The following ABCB5 variants were observed in gnomAD, a reference collection of about 807,000 sequenced individuals.
ABCB5 encodes the protein ATP binding cassette subfamily B member 5, also known as ATP-binding cassette sub-family B member 5.
Under a neutral mutation model 144.2 loss-of-function variants are expected in ABCB5, and 155 were observed. The ratio of observed to expected loss-of-function variants is 1.08; its 90% CI spans 0.94 to 1.23. ABCB5 has a LOEUF of 1.23. Among genes scored for constraint, ABCB5 ranks in the 50% most tolerant of loss-of-function variants. The pLI, the probability that ABCB5 is intolerant of heterozygous loss-of-function variation, is 0.00. For synonymous variants in ABCB5, 610 were observed against 528.6 expected (o/e 1.15, Z -2.11); for missense variants, 1,830 against 1,520.8 (o/e 1.20, Z -3.38).
intron 23 of ABCB5, among the ~76,000 whole-genome samples, chr7:20,732,189 T>G (rs1782242718): frequency 1.3e-5 from 2 of 152,144 alleles, no homozygotes; most frequent in African/African-American, 4.8e-5. Flanking sequence ...ACACTTGCTA[T>G]TCTCTGCCTG....
At chr7:20,648,385 C>T (rs1443125337) in intron 11 of ABCB5, among the ~76,000 whole-genome samples, 1 of 152,174 alleles carries the variant, frequency 6.6e-6, no homozygotes. Flanking sequence ...TTCCTAGATG[C>T]TACCCCACTC....
rs2128043238 is a variant in ABCB5 at position 20,699,812 on chromosome 7, T to C, written c.2155-13T>C. On this transcript the variant is annotated splice_polypyrimidine_tract_variant and intron_variant, in intron 17 of 27. Transcript: ENST00000404938. ...TTCCCCCAAACACCTGATAAAAATCTGTTCCTTTTCAGATGTTTGGAAATA... is the reference window on the plus strand; with the variant it reads ...TTCCCCCAAACACCTGATAAAAATCCGTTCCTTTTCAGATGTTTGGAAATA... The C allele has an allele frequency of 6.5e-7, 1 of 1,546,374 alleles. No homozygotes were observed. Among genetic ancestry groups the C allele is most frequent in the African/African-American group, 1.4e-5 (1 of 72,998 alleles).
At chr7:20,710,192 T>C (rs1203101568) in intron 20 of ABCB5, among the ~76,000 whole-genome samples, 1 of 147,656 alleles carries the variant, frequency 6.8e-6, no homozygotes, top group African/African-American at 2.5e-5. Flanking sequence ...CTGGCCAACA[T>C]GGTGAGACCG....
At chr7:20,683,231 CA>C (rs922567164) in intron 15 of ABCB5, among the ~76,000 whole-genome samples, 4 of 152,212 alleles carry the variant, frequency 2.6e-5, no homozygotes, top group Admixed American at 2.0e-4. Flanking sequence ...GAAGCAATAA[CA>C]GTAAAATAGG....
chr7:20,754,674 T>A (rs1006523301), intron 27 of ABCB5, among the ~76,000 whole-genome samples: 6 of 152,168 alleles, frequency 3.9e-5, no homozygotes, highest in Non-Finnish European at 8.8e-5. Context: ...GAAAATTAGA[T>A]AAATAAATTA....
chr7:20,707,148 TTCA>T (rs1179508812), intron 20 of ABCB5, among the ~76,000 whole-genome samples: 6 of 152,222 alleles, frequency 3.9e-5, no homozygotes, highest in Non-Finnish European at 8.8e-5. Context: ...TCTCAATTTC[TTCA>T]TCATGTAATT....
In ABCB5 at chr7:20,702,298, C is replaced by T. The variant is rs80255924; in HGVS notation, c.2337+2163C>T. On this transcript the variant is annotated intron_variant, in intron 19 of 27. Transcript: ENST00000404938. ...AAGAAGTTTATTTTTCCCCATTTCC[C>T]TCTAAATTAGATTGGCTAAGGCTTC... Among the ~76,000 whole-genome samples, 207 of 152,166 alleles carry T rather than the reference C, an allele frequency of 1.4e-3. 4 individuals carry two copies. In the East Asian group the frequency reaches 0.031, roughly 23 times the overall value.
At chr7:20,712,811 TA>T (rs921873948) in intron 20 of ABCB5, among the ~76,000 whole-genome samples, 2 of 149,828 alleles carry the variant, frequency 1.3e-5, no homozygotes, top group Non-Finnish European at 3.0e-5. Context: ...ATTTAGGGTA[TA>T]AAAATGATGT....
At chr7:20,746,322 C>G (rs1782721432) in intron 26 of ABCB5, among the ~76,000 whole-genome samples, 1 of 152,180 alleles carries the variant, frequency 6.6e-6, no homozygotes, top group Non-Finnish European at 1.5e-5. Context: ...TGGTCTCAAA[C>G]TCCCGACCTC....
At position 20,643,548 on chromosome 7, in the gene ABCB5, T is replaced by C. The variant is rs1487449957; in HGVS notation, c.594T>C (p.Val198=). The C allele has an allele frequency of 6.2e-7, 1 of 1,613,900 alleles. No homozygotes were observed. Among genetic ancestry groups the C allele is most frequent in the Non-Finnish European group, 8.5e-7 (1 of 1,179,900 alleles). The part of the protein sequence containing the change: ...NMSTFSIGLA[V]GLVKGWKLTL... ...CTACTTTTTCGATTGGCCTGGCAGT[T>C]GGTTTGGTGAAGGGCTGGAAACTCA... The change falls in exon 7 of 28, where the codon GTT becomes GTC. Residue 198 remains valine (V), a synonymous_variant. Coordinates refer to ENST00000404938, the MANE Select transcript of ABCB5 (RefSeq NM_001163941.2).
At chr7:20,660,859 C>T (rs1207937461) in intron 14 of ABCB5, among the ~76,000 whole-genome samples, 1 of 152,182 alleles carries the variant, frequency 6.6e-6, no homozygotes, top group Non-Finnish European at 1.5e-5. Flanking sequence ...TCACATATCC[C>T]TTCCATCCCC....
intron 5 of ABCB5, among the ~76,000 whole-genome samples, chr7:20,642,196 C>A (rs187228852): frequency 3.5e-4 from 53 of 152,294 alleles, no homozygotes; most frequent in African/African-American, 1.3e-3. Context: ...AAAACATGAA[C>A]AGTGCACTGT....
chr7:20,669,342 T>A (rs762449770), intron 14 of ABCB5, among the ~76,000 whole-genome samples: 1,904 of 145,458 alleles, frequency 0.013, 1 homozygote, highest in Non-Finnish European at 0.019. Flanking sequence ...TCTGTGTGGA[T>A]AGAAGTAGAC....
chr7:20,630,706 T>A (rs1456176362), intron 4 of ABCB5, among the ~76,000 whole-genome samples: 1 of 152,178 alleles, frequency 6.6e-6, no homozygotes, highest in Non-Finnish European at 1.5e-5. Flanking sequence ...AATGAATGAA[T>A]GTGTGAGTAA....
intron 5 of ABCB5, among the ~76,000 whole-genome samples, chr7:20,637,113 T>C (rs1784175472): frequency 6.6e-6 from 1 of 152,210 alleles, no homozygotes. Context: ...GGAACTAATA[T>C]TTTAATGAAC....
chr7:20,727,889 C>G (rs1197808471), intron 22 of ABCB5, among the ~76,000 whole-genome samples: 1 of 152,176 alleles, frequency 6.6e-6, no homozygotes, highest in Non-Finnish European at 1.5e-5. Context: ...AGAAAGATAG[C>G]TTTTTACTCT....
intron 5 of ABCB5, among the ~76,000 whole-genome samples, chr7:20,637,285 T>C (rs1049228362): frequency 6.6e-6 from 1 of 152,196 alleles, no homozygotes; most frequent in African/African-American, 2.4e-5. Flanking sequence ...TGCCCCTGTC[T>C]AATTTCTCAG....
At chr7:20,678,482 A>T (rs777051980) in intron 14 of ABCB5, among the ~76,000 whole-genome samples, 1 of 152,206 alleles carries the variant, frequency 6.6e-6, no homozygotes, top group Non-Finnish European at 1.5e-5. Flanking sequence ...TCTATAATAG[A>T]TAAGAATAAG....
At chr7:20,750,267 T>A (rs1255662163) in intron 26 of ABCB5, among the ~76,000 whole-genome samples, 1 of 152,082 alleles carries the variant, frequency 6.6e-6, no homozygotes, top group Admixed American at 6.6e-5. Flanking sequence ...AAAAGTGGAA[T>A]CAACAGGACT....
Sources: allele counts gnomAD v4.1 joint callset (sites outside exome capture counted in the v4.1 genomes callset), GRCh38; gene constraint gnomAD v4.1.1; transcripts MANE v1.5; gene names NCBI Gene and HGNC (gene_info 2026-07-23, HGNC 2026-07-21).